Variants in TMIGD1 observed in about 807,000 individuals in gnomAD.
TMIGD1 encodes the protein transmembrane and immunoglobulin domain-containing protein 1.
TMIGD1 carries 29 observed loss-of-function variants against 27.5 expected under a neutral mutation model. The observed-to-expected ratio is 1.05, with a 90% CI of 0.78 to 1.44. TMIGD1 has a LOEUF of 1.44. TMIGD1 is among the 40% of genes most tolerant of loss of function. TMIGD1 has a pLI of 0.00. For synonymous variants in TMIGD1, 109 were observed against 110.3 expected, an observed-to-expected ratio of 0.99 and a Z score of 0.07; for missense variants, 334 against 310.6, an observed-to-expected ratio of 1.08 and a Z score of -0.57.
At chr17:30,318,782 A>C (rs1344284721) in intron 5 of TMIGD1, 28 bp downstream of exon 5, 3 of 1,532,870 alleles carry the variant, frequency 2.0e-6, no homozygotes, top group Non-Finnish European at 2.7e-6. Flanking sequence ...ATGGCTTTTT[A>C]CTTAAATAGC....
At chr17:30,329,010 A>G (rs1909882322) in intron 3 of TMIGD1, among the ~76,000 whole-genome samples, 1 of 142,398 alleles carries the variant, frequency 7.0e-6, no homozygotes, top group African/African-American at 2.5e-5. Context: ...AAAAGAAAAA[A>G]GAAAAGAAAA....
intron 3 of TMIGD1, among the ~76,000 whole-genome samples, chr17:30,326,592 A>G (rs1213371518): frequency 6.6e-6 from 1 of 152,114 alleles, no homozygotes; most frequent in Non-Finnish European, 1.5e-5. Context: ...TTGCTTTTAG[A>G]ATGCTATAGT....
intron 3 of TMIGD1, among the ~76,000 whole-genome samples, chr17:30,326,111 G>T (rs534541419): frequency 1.3e-5 from 2 of 152,210 alleles, no homozygotes; most frequent in Non-Finnish European, 2.9e-5. Context: ...ATGACATTTT[G>T]TTGCTCTTTG....
At chr17:30,330,202 G>C (rs983735360) in intron 2 of TMIGD1, among the ~76,000 whole-genome samples, 5 of 149,094 alleles carry the variant, frequency 3.4e-5, no homozygotes, top group African/African-American at 1.2e-4. Context: ...GGTGATTTGA[G>C]AAGCATCAGG....
intron 5 of TMIGD1, 100 bp from the exon 6 acceptor site, chr17:30,317,333 G>A (rs1429275374): frequency 7.4e-6 from 9 of 1,213,228 alleles, no homozygotes; most frequent in Non-Finnish European, 8.5e-6. Context: ...TGTGTCCTGT[G>A]CACACCTCTG....
At chr17:30,331,404 A>G (rs556537140) in intron 2 of TMIGD1, among the ~76,000 whole-genome samples, 40 of 152,024 alleles carry the variant, frequency 2.6e-4, no homozygotes, top group Non-Finnish European at 4.6e-4. Flanking sequence ...AGGAGAGCAA[A>G]TGCTGGAAAG....
At chr17:30,332,568 A>G (rs924260305) in intron 1 of TMIGD1, among the ~76,000 whole-genome samples, 2 of 152,172 alleles carry the variant, frequency 1.3e-5, no homozygotes, top group African/African-American at 4.8e-5. Context: ...GTTCTCTGAT[A>G]ATAGAGAGTT....
At chr17:30,322,409 G>T (rs902037989) in intron 4 of TMIGD1, among the ~76,000 whole-genome samples, 6 of 152,214 alleles carry the variant, frequency 3.9e-5, no homozygotes, top group Admixed American at 3.9e-4. Context: ...ATAAGAAAAA[G>T]AAATCAGAAT....
chr17:30,326,154 A>G (rs552826576), intron 3 of TMIGD1, among the ~76,000 whole-genome samples: 22 of 152,326 alleles, frequency 1.4e-4, no homozygotes, highest in African/African-American at 5.3e-4. Context: ...ATATCCAACA[A>G]GGATGTTATA....
chr17:30,331,094 C>T (rs1387217530), intron 2 of TMIGD1, among the ~76,000 whole-genome samples: 1 of 152,138 alleles, frequency 6.6e-6, no homozygotes, highest in Non-Finnish European at 1.5e-5. Context: ...ACTCGGGAGG[C>T]TGAGGCAGGA....
intron 4 of TMIGD1, among the ~76,000 whole-genome samples, chr17:30,324,157 T>C (rs1054243658): frequency 3.9e-5 from 6 of 152,156 alleles, no homozygotes; most frequent in Admixed American, 1.3e-4. Context: ...TGTGCTAGCA[T>C]GAGAGCAGAC....
chr17:30,316,843 G>GA (rs1909430453), intron 6 of TMIGD1, 153 bp from the exon 7 acceptor site: 2 of 734,994 alleles, frequency 2.7e-6, no homozygotes, highest in African/African-American at 3.5e-5. Flanking sequence ...GCTGCAAAGA[G>GA]AAGGCAGTAT....
intron 2 of TMIGD1, among the ~76,000 whole-genome samples, chr17:30,331,583 A>ATTTT (rs71360742): frequency 7.5e-6 from 1 of 133,202 alleles, no homozygotes. Context: ...TTTCCATTTG[A>ATTTT]TTTTTTTTTT....
intron 4 of TMIGD1, among the ~76,000 whole-genome samples, chr17:30,319,261 A>AAAAAATATATATATATATAT: frequency 2.9e-5 from 2 of 69,044 alleles, no homozygotes; most frequent in Non-Finnish European, 5.3e-5. Flanking sequence ...AAAAAAAAAA[A>AAAAAATATATATATATATAT]ATATATATAT....
Position 30,316,664 on chromosome 17 carries a change from T to C in TMIGD1, c.*23A>G, listed in dbSNP as rs1178200321. On this transcript the variant is annotated 3_prime_UTR_variant, in exon 7 of 7. Transcript: ENST00000328886. ...AGGTCCTGATGCAAAACTCTCTCTG[T>C]ATTCGATGGCATCTCAGCTTTCTCA... 1 of 1,613,212 alleles carries C rather than the reference T, an allele frequency of 6.2e-7. No individual in the cohort carries two copies. Among genetic ancestry groups the C allele is most frequent in the Non-Finnish European group, 8.5e-7 (1 of 1,179,456 alleles).
rs528498167 is a variant in TMIGD1, at chr17:30,321,089, A to G, written c.641-2176T>C. On this transcript the variant is annotated intron_variant, in intron 4 of 6. Transcript: ENST00000328886. The stretch of plus-strand genomic sequence containing the variant: ...GCCAGTCTGGCCTCGAACTCCTGAC[A>G]TTAAGTGATCTGCCTGCCTTGGCCT... 1.5e-4 allele frequency among the ~76,000 whole-genome samples: 23 copies of G among 151,884 alleles called. No homozygotes were observed. In the South Asian group the frequency reaches 3.5e-3, roughly 23 times the overall value.
chr17:30,325,158 A>G (rs1180494865), intron 3 of TMIGD1, 64 bp from the exon 4 acceptor site: 3 of 1,507,458 alleles, frequency 2.0e-6, no homozygotes, highest in Non-Finnish European at 1.8e-6. Flanking sequence ...CAGAGTTCAA[A>G]GTCTTCCTTC....
intron 1 of TMIGD1, among the ~76,000 whole-genome samples, chr17:30,333,640 C>G (rs1403548476): frequency 6.6e-6 from 1 of 152,162 alleles, no homozygotes; most frequent in African/African-American, 2.4e-5. Context: ...CTCACCCTTT[C>G]TGGCAGACAA....
At chr17:30,331,782 G>T (rs1482354377) in intron 2 of TMIGD1, among the ~76,000 whole-genome samples, 2 of 152,042 alleles carry the variant, frequency 1.3e-5, no homozygotes, top group African/African-American at 4.8e-5. Context: ...TAGAGATGGG[G>T]TTTCACCGTG....
Sources: allele counts gnomAD v4.1 joint callset (sites outside exome capture counted in the v4.1 genomes callset), GRCh38; gene constraint gnomAD v4.1.1; transcripts MANE v1.5; gene names NCBI Gene and HGNC (gene_info 2026-07-23, HGNC 2026-07-21).